The following TRAF3 variants were observed in gnomAD, a reference collection of about 807,000 sequenced individuals.
The protein encoded by TRAF3 is TNF receptor-associated factor 3.
Under a neutral mutation model 62.3 loss-of-function variants are expected in TRAF3, and 13 were observed. The observed-to-expected ratio is 0.21, with a 90% CI of 0.14 to 0.33. The LOEUF (loss-of-function observed/expected upper bound fraction) is 0.33, where lower values mean the gene tolerates loss of function less well. TRAF3 is among the 10% of genes least tolerant of loss of function. The pLI, the probability that TRAF3 is intolerant of heterozygous loss-of-function variation, is 1.00. For missense variants in TRAF3, 440 were observed against 741.8 expected, an observed-to-expected ratio of 0.59 and a Z score of 4.73; for synonymous variants, 269 against 283.4, an observed-to-expected ratio of 0.95 and a Z score of 0.51.
intron 1 of TRAF3, among the ~76,000 whole-genome samples, chr14:102,806,276 G>A (rs1221308198): frequency 6.6e-6 from 1 of 152,126 alleles, no homozygotes. Flanking sequence ...TGACTGTTAA[G>A]ATTTTATGTT....
In TRAF3 at chr14:102,878,381, AGTGTGAATGTGGGTGAGTGTGTGGGGGT is replaced by A. The variant is rs1360538572; in HGVS notation, c.570+1872_570+1899del. ...GTGGGGGTAAGTGTGTGTGGGGGTG[AGTGTGAATGTGGGTGAGTGTGTGGGGGT>A]GTGTGAATGTGGGTGTGTGTGTATG... On this transcript the variant is annotated intron_variant, in intron 6 of 11. Coordinates refer to ENST00000392745, the MANE Select transcript of TRAF3 (RefSeq NM_145725.3). 4.6e-5 allele frequency among the ~76,000 whole-genome samples: 3 copies of A among 65,832 alleles called. No homozygotes were observed. In the Admixed American group the frequency reaches 7.1e-4, roughly 15 times the overall value. 43.2% of individuals were successfully genotyped at this position (65,832 alleles called of 152,430 possible).
intron 2 of TRAF3, among the ~76,000 whole-genome samples, chr14:102,849,337 G>C (rs1162612382): frequency 1.3e-5 from 2 of 152,244 alleles, no homozygotes; most frequent in Non-Finnish European, 2.9e-5. Context: ...GCCTGCACTT[G>C]GTTGCATATC....
At chr14:102,866,939 A>G (rs1039343714) in intron 2 of TRAF3, among the ~76,000 whole-genome samples, 2 of 152,094 alleles carry the variant, frequency 1.3e-5, no homozygotes, top group Non-Finnish European at 2.9e-5. Flanking sequence ...GGAAGAGAAA[A>G]CAAGTGGCCT....
intron 6 of TRAF3, among the ~76,000 whole-genome samples, chr14:102,878,165 T>C (rs973169392): frequency 6.6e-6 from 1 of 152,204 alleles, no homozygotes; most frequent in African/African-American, 2.4e-5. Flanking sequence ...TGCCTCAAAA[T>C]GTTGATAGAT....
intron 2 of TRAF3, among the ~76,000 whole-genome samples, chr14:102,844,107 A>G (rs1886550456): frequency 2.0e-5 from 3 of 152,242 alleles, no homozygotes; most frequent in African/African-American, 7.2e-5. Flanking sequence ...CAAATGTATG[A>G]TTGAGGGAAT....
rs1189667975 is a variant in TRAF3 at position 102,795,596 on chromosome 14, A to ATGTG, written c.-157+17922_-157+17923insGTGT. On this transcript the variant is annotated intron_variant, in intron 1 of 11. Transcript: ENST00000392745. ...CATGATATGTATGCATGATATGTATATATGTGTGTGTGTGTGTGTGTGTGC... is the reference window on the plus strand; with the variant it reads ...CATGATATGTATGCATGATATGTATATGTGTATGTGTGTGTGTGTGTGTGTGTGC... 6.8e-3 allele frequency among the ~76,000 whole-genome samples: 878 copies of ATGTG among 129,228 alleles called. 14 individuals carry two copies. The highest frequency in any genetic ancestry group is 0.025 in the African/African-American group (831 of 33,852). 84.8% of individuals were successfully genotyped at this position (129,228 alleles called of 152,430 possible). A position where few individuals can be genotyped will look rare whatever the true frequency, so the allele number is the denominator to read the frequency against.
intron 6 of TRAF3, among the ~76,000 whole-genome samples, chr14:102,876,838 T>C (rs1390553873): frequency 6.6e-6 from 1 of 151,322 alleles, no homozygotes; most frequent in East Asian, 2.0e-4. Flanking sequence ...TCCACAGGCC[T>C]TCCGCTCAGT....
At chr14:102,792,800 T>G (rs1897874397) in intron 1 of TRAF3, among the ~76,000 whole-genome samples, 1 of 152,102 alleles carries the variant, frequency 6.6e-6, no homozygotes, top group Admixed American at 6.5e-5. Flanking sequence ...TTGTTGAAGA[T>G]TTTTGTGTCT....
intron 2 of TRAF3, among the ~76,000 whole-genome samples, chr14:102,868,055 G>A (rs887375091): frequency 2.6e-5 from 4 of 152,162 alleles, no homozygotes; most frequent in African/African-American, 4.8e-5. Flanking sequence ...GGCTCCGCCC[G>A]CCCACCCAGC....
intron 2 of TRAF3, among the ~76,000 whole-genome samples, chr14:102,841,658 T>G (rs1595352278): frequency 6.6e-6 from 1 of 152,290 alleles, no homozygotes; most frequent in Admixed American, 6.5e-5. Flanking sequence ...TTAAAAAGGA[T>G]GTAATAAAAC....
chr14:102,797,469 AGAG>A (rs368657221), intron 1 of TRAF3, among the ~76,000 whole-genome samples: 2 of 151,964 alleles, frequency 1.3e-5, no homozygotes, highest in Non-Finnish European at 2.9e-5. Flanking sequence ...GGCAGGAGGA[AGAG>A]GAGGAGGAGG....
chr14:102,832,282 G>A (rs1056222382), intron 2 of TRAF3, among the ~76,000 whole-genome samples: 14 of 152,200 alleles, frequency 9.2e-5, no homozygotes, highest in Middle Eastern at 3.4e-3. Flanking sequence ...TTTCAGAAAA[G>A]ACGTCTACTT....
rs778938323 is a variant in TRAF3 at position 102,892,047 on chromosome 14, CTT to C, written c.819+650_819+651del. Among the ~76,000 whole-genome samples the C allele has an allele frequency of 5.3e-3, 640 of 121,388 alleles. 6 individuals are homozygous for C. Among genetic ancestry groups the C allele is most frequent in the Admixed American group, 0.012 (140 of 11,962 alleles). The allele number at this position is 121,388 out of a possible 152,430, so 79.6% of individuals were successfully genotyped here. A position where few individuals can be genotyped will look rare whatever the true frequency, so the allele number is the denominator to read the frequency against. ...CCCAAAGAGACTCTCCCATGCTGTT[CTT>C]TTTTTTTTTTTTTTTTTTTCCCCAA... On this transcript the variant is annotated intron_variant, in intron 9 of 11. Transcript: ENST00000392745.
chr14:102,790,433 A>G (rs990793329), intron 1 of TRAF3, among the ~76,000 whole-genome samples: 1 of 152,208 alleles, frequency 6.6e-6, no homozygotes, highest in Admixed American at 6.5e-5. Flanking sequence ...TAATAAAGAC[A>G]TACCTGAGAC....
chr14:102,809,186 C>T (rs1406062750), intron 1 of TRAF3: 1 of 152,242 alleles, frequency 6.6e-6, no homozygotes, highest in Non-Finnish European at 1.5e-5. Context: ...CTGGGTTTCA[C>T]TGTGTTAGCC....
intron 1 of TRAF3, among the ~76,000 whole-genome samples, chr14:102,814,944 T>G (rs190443553): frequency 1.3e-5 from 2 of 152,344 alleles, no homozygotes; most frequent in Admixed American, 1.3e-4. Flanking sequence ...TTTCTTTTCT[T>G]TCTTTTTCTG....
intron 2 of TRAF3, among the ~76,000 whole-genome samples, chr14:102,866,419 T>A (rs538851876): frequency 6.6e-6 from 1 of 151,644 alleles, no homozygotes; most frequent in African/African-American, 2.4e-5. Flanking sequence ...TATAATAATT[T>A]AAAAAAAAGT....
At position 102,909,859 on chromosome 14, in the gene TRAF3, CTGG is replaced by C. The variant is rs549105528; in HGVS notation, c.*4080_*4082del. 681 of 152,382 alleles carry C rather than the reference CTGG, an allele frequency of 4.5e-3. 8 individuals carry two copies. Among genetic ancestry groups the C allele is most frequent in the African/African-American group, 0.016 (667 of 41,572 alleles). 9.4% of individuals were successfully genotyped at this position (152,382 alleles called of 1,614,324 possible). On this transcript the variant is annotated 3_prime_UTR_variant, in exon 12 of 12. Coordinates refer to ENST00000392745, the MANE Select transcript of TRAF3 (RefSeq NM_145725.3). The stretch of plus-strand genomic sequence containing the variant: ...CAGCACCCCTTTTGCTTGATGGCGT[CTGG>C]TGGTAGTCAGCATGGTGGACCCACA...
At chr14:102,802,867 T>G (rs1281382211) in intron 1 of TRAF3, among the ~76,000 whole-genome samples, 1 of 152,030 alleles carries the variant, frequency 6.6e-6, no homozygotes, top group Admixed American at 6.6e-5. Flanking sequence ...TTTATTAATA[T>G]AAAGAAAAGA....
Sources: allele counts gnomAD v4.1 joint callset (sites outside exome capture counted in the v4.1 genomes callset), GRCh38; gene constraint gnomAD v4.1.1; transcripts MANE v1.5; gene names NCBI Gene and HGNC (gene_info 2026-07-23, HGNC 2026-07-21).